The following PEPD variants were observed in gnomAD, a reference collection of about 807,000 sequenced individuals.
PEPD encodes the protein peptidase D, also known as xaa-Pro dipeptidase.
In PEPD, 53 loss-of-function variants were observed where a neutral mutation model predicts 60.7. The observed-to-expected ratio is 0.87, with a 90% confidence interval of 0.70 to 1.10. The LOEUF (loss-of-function observed/expected upper bound fraction) is 1.10, where lower values mean the gene tolerates loss of function less well. PEPD is among the 50% of genes least tolerant of loss of function. The probability of loss-of-function intolerance (pLI) is 0.00; values close to 1 mark genes in which losing one functional copy is unlikely to be tolerated. For synonymous variants in PEPD, 267 were observed against 284.1 expected (o/e 0.94, Z 0.60); for missense variants, 711 against 711.9 (o/e 1.00, Z 0.01).
At chr19:33,415,147 C>A (rs1968861681) in intron 9 of PEPD, among the ~76,000 whole-genome samples, 1 of 152,180 alleles carries the variant, frequency 6.6e-6, no homozygotes, top group Non-Finnish European at 1.5e-5. Context: ...CTGACCCACG[C>A]CGTGGAACAG....
At chr19:33,436,296 G>A (rs1969375530) in intron 9 of PEPD, among the ~76,000 whole-genome samples, 1 of 152,096 alleles carries the variant, frequency 6.6e-6, no homozygotes, top group Non-Finnish European at 1.5e-5. Flanking sequence ...AAGCATGGGA[G>A]GAAGAGAAGG....
At chr19:33,506,741 CCA>C (rs897576754) in intron 3 of PEPD, among the ~76,000 whole-genome samples, 3 of 147,486 alleles carry the variant, frequency 2.0e-5, no homozygotes, top group African/African-American at 7.5e-5. Context: ...ATACCACACA[CCA>C]CACACACACC....
chr19:33,422,835 T>TATCTATCTATCTATCTATCTATCTATCC (rs748895413), intron 9 of PEPD, among the ~76,000 whole-genome samples: 4 of 146,044 alleles, frequency 2.7e-5, no homozygotes, highest in African/African-American at 7.6e-5. Flanking sequence ...TCTATCTATC[T>TATCTATCTATCTATCTATCTATCTATCC]ATCCATCTAT....
intron 7 of PEPD, 130 bp downstream of exon 7, chr19:33,477,916 T>C (rs977741527): frequency 2.3e-5 from 17 of 733,726 alleles, no homozygotes; most frequent in African/African-American, 2.1e-4. Context: ...CAGAAAAGGC[T>C]ATGGGAGAAG....
intron 4 of PEPD, among the ~76,000 whole-genome samples, chr19:33,495,541 G>T (rs906043009): frequency 1.3e-5 from 2 of 152,018 alleles, no homozygotes; most frequent in Non-Finnish European, 2.9e-5. Flanking sequence ...AAACTGTTGG[G>T]TCAAAAGCCA....
At chr19:33,417,811 A>C (rs1005731) in intron 9 of PEPD, among the ~76,000 whole-genome samples, 38,792 of 151,980 alleles carry the variant, frequency 0.26, 5,139 homozygotes, top group Admixed American at 0.33. Flanking sequence ...TATTCCTTTA[A>C]AACCAAACAG....
chr19:33,387,151 G>A lies in PEPD; in HGVS notation c.*193C>T, dbSNP rs1241972832. ...AAGGTATAAAACAGATTAAAGGTGG[G>A]AGCCTGCAAAAGGGTAATTAAAAAA... On this transcript the variant is annotated 3_prime_UTR_variant, in exon 15 of 15. Coordinates refer to ENST00000244137, the MANE Select transcript of PEPD (RefSeq NM_000285.4). The A allele has an allele frequency of 6.5e-6, 4 of 617,174 alleles. No homozygotes were observed. Among genetic ancestry groups the A allele is most frequent in the Non-Finnish European group, 1.1e-5 (4 of 351,032 alleles). 38.2% of individuals were successfully genotyped at this position (617,174 alleles called of 1,614,324 possible).
chr19:33,464,671 G>A (rs759439467), intron 7 of PEPD, among the ~76,000 whole-genome samples: 2 of 152,156 alleles, frequency 1.3e-5, no homozygotes, highest in Non-Finnish European at 2.9e-5. Context: ...ATGAGAGGGT[G>A]GTCTACGTGG....
At chr19:33,427,647 T>A (rs1028497164) in intron 9 of PEPD, among the ~76,000 whole-genome samples, 3 of 152,240 alleles carry the variant, frequency 2.0e-5, no homozygotes, top group African/African-American at 7.2e-5. Context: ...GATGACAGGA[T>A]GATTAAACTG....
At chr19:33,417,946 C>T (rs757443976) in intron 9 of PEPD, among the ~76,000 whole-genome samples, 40 of 152,220 alleles carry the variant, frequency 2.6e-4, no homozygotes, top group Non-Finnish European at 1.6e-4. Flanking sequence ...AGCAAAAACG[C>T]GGAGGTGTGT....
At chr19:33,479,066 G>C (rs1970270353) in intron 6 of PEPD, among the ~76,000 whole-genome samples, 1 of 152,078 alleles carries the variant, frequency 6.6e-6, no homozygotes, top group Non-Finnish European at 1.5e-5. Context: ...GCACAAAAGA[G>C]AATGAGGAAA....
intron 10 of PEPD, among the ~76,000 whole-genome samples, chr19:33,412,083 C>G (rs1055119542): frequency 6.6e-6 from 1 of 152,234 alleles, no homozygotes; most frequent in Non-Finnish European, 1.5e-5. Context: ...GTGGCTCACG[C>G]CTGTCATGCC....
In PEPD at chr19:33,422,434, C is replaced by G. The variant is rs551928150; in HGVS notation, c.672-8791G>C. On this transcript the variant is annotated intron_variant, in intron 9 of 14. Coordinates refer to ENST00000244137, the MANE Select transcript of PEPD (RefSeq NM_000285.4). ...TCTAGATCTACCTACCTATCATCTACCTACCTATAATCTATCTACCCATCC... is the reference window on the plus strand; with the variant it reads ...TCTAGATCTACCTACCTATCATCTAGCTACCTATAATCTATCTACCCATCC... Among the ~76,000 whole-genome samples the G allele has an allele frequency of 1.5e-4, 22 of 142,412 alleles. No individual in the cohort carries two copies. The South Asian group carries it at 4.4e-3, about 28-fold the overall frequency. 93.4% of individuals were successfully genotyped at this position (142,412 alleles called of 152,430 possible). A position where few individuals can be genotyped will look rare whatever the true frequency, so the allele number is the denominator to read the frequency against.
At chr19:33,496,717 C>T (rs1970611476) in intron 4 of PEPD, among the ~76,000 whole-genome samples, 1 of 152,230 alleles carries the variant, frequency 6.6e-6, no homozygotes, top group Non-Finnish European at 1.5e-5. Context: ...TTGCTTCATG[C>T]CAGAGCCAGC....
intron 12 of PEPD, chr19:33,395,135 C>T (rs573801474): frequency 4.1e-4 from 63 of 152,556 alleles, no homozygotes; most frequent in African/African-American, 1.4e-3. Flanking sequence ...CTGGGGCCAC[C>T]TCCTCCAAGC....
At chr19:33,507,380 C>G (rs747386805) in intron 3 of PEPD, among the ~76,000 whole-genome samples, 11 of 152,178 alleles carry the variant, frequency 7.2e-5, no homozygotes, top group Admixed American at 1.3e-4. Flanking sequence ...AGCAGAGACT[C>G]TGAATAAAAA....
chr19:33,443,783 T>C (rs1470800805), intron 9 of PEPD, among the ~76,000 whole-genome samples: 1 of 152,088 alleles, frequency 6.6e-6, no homozygotes, highest in Admixed American at 6.5e-5. Flanking sequence ...CATACGCACA[T>C]GCGCATGCAC....
rs1264763154 is a variant in PEPD at position 33,510,967 on chromosome 19, C to T, written c.329+61G>A. On this transcript the variant is annotated intron_variant, in intron 3 of 14. Transcript: ENST00000244137. ...CCAACCCAGCTCTCTCATCCCACCTCCCCTACCCACCCCCAGCCCATGGTT... is the reference window on the plus strand; with the variant it reads ...CCAACCCAGCTCTCTCATCCCACCTTCCCTACCCACCCCCAGCCCATGGTT... 3 of 1,551,766 alleles carry T rather than the reference C, an allele frequency of 1.9e-6. No homozygotes were observed. The East Asian group carries it at 7.1e-5, about 37-fold the overall frequency.
intron 10 of PEPD, 30 bp from the exon 11 acceptor site, chr19:33,411,779 G>A (rs1033497772): frequency 2.1e-6 from 3 of 1,406,028 alleles, no homozygotes; most frequent in Admixed American, 1.7e-5. Flanking sequence ...GGTGATCAAA[G>A]CCCATTCTTC....
Sources: allele counts gnomAD v4.1 joint callset (sites outside exome capture counted in the v4.1 genomes callset), GRCh38; gene constraint gnomAD v4.1.1; transcripts MANE v1.5; gene names NCBI Gene and HGNC (gene_info 2026-07-23, HGNC 2026-07-21).